The following SP1 variants were observed in gnomAD, a reference collection of about 807,000 sequenced individuals.
SP1 encodes transcription factor Sp1.
Under a neutral mutation model 66.3 loss-of-function variants are expected in SP1, and 6 were observed. That is an observed-to-expected ratio of 0.09 (90% CI 0.05 to 0.18). The LOEUF (loss-of-function observed/expected upper bound fraction) is 0.18. SP1 is among the 10% of genes least tolerant of loss of function. The probability of loss-of-function intolerance (pLI) is 1.00; values close to 1 mark genes in which losing one functional copy is unlikely to be tolerated. For missense variants in SP1, 848 were observed against 964.5 expected, an observed-to-expected ratio of 0.88 and a Z score of 1.60; for synonymous variants, 417 against 360.8, an observed-to-expected ratio of 1.16 and a Z score of -1.77.
chr12:53,399,154 C>G (rs1938552259), intron 3 of SP1, among the ~76,000 whole-genome samples: 1 of 152,062 alleles, frequency 6.6e-6, no homozygotes, highest in African/African-American at 2.4e-5. Flanking sequence ...ATTAACTTAA[C>G]CTTATTGATG....
At chr12:53,409,978 C>G (rs1289782198) in intron 5 of SP1, among the ~76,000 whole-genome samples, 1 of 151,820 alleles carries the variant, frequency 6.6e-6, no homozygotes, top group African/African-American at 2.4e-5. Context: ...CCACTGCACT[C>G]CAGCCTGGGC....
chr12:53,411,654 T>TATA lies in SP1; in HGVS notation c.*414_*415insATA, dbSNP rs1555199301. The TATA allele has an allele frequency of 4.2e-5, 6 of 142,108 alleles. No individual in the cohort carries two copies. Among genetic ancestry groups the TATA allele is most frequent in the Admixed American group, 3.6e-4 (5 of 14,012 alleles). 8.8% of individuals were successfully genotyped at this position (142,108 alleles called of 1,614,324 possible). On this transcript the variant is annotated 3_prime_UTR_variant, in exon 6 of 6. Coordinates refer to ENST00000327443, the MANE Select transcript of SP1 (RefSeq NM_138473.3). ...TTAACAAAAAACAGATTCTATATTA[T>TATA]TATATATATATATATATATATAAAG...
chr12:53,380,560 C>A, intron 1 of SP1: 1 of 727,154 alleles, frequency 1.4e-6, no homozygotes, highest in Non-Finnish European at 1.8e-6. Flanking sequence ...CCACGGGGGA[C>A]GGGCCTTACC....
chr12:53,382,139 G>C lies in SP1; in HGVS notation c.192G>C (p.Leu64=). Reference sequence around the variant, plus strand: ...CCCAGCCATCCCCTTTGGCTCTGCTGGCAGCAACTTGCAGCAGAATTGAGT... The same window carrying C: ...CCCAGCCATCCCCTTTGGCTCTGCTCGCAGCAACTTGCAGCAGAATTGAGT... ...QESQPSPLAL[L]AATCSRIESP... The change falls in exon 3 of 6, where the codon CTG becomes CTC. Residue 64 remains leucine, a synonymous_variant. Transcript: ENST00000327443. 1 of 1,614,100 alleles carries C rather than the reference G, an allele frequency of 6.2e-7. No homozygotes were observed. The highest frequency in any genetic ancestry group is 8.5e-7 in the Non-Finnish European group (1 of 1,180,028).
intron 3 of SP1, among the ~76,000 whole-genome samples, chr12:53,395,827 A>T (rs75407516): frequency 1.4e-5 from 2 of 147,266 alleles, no homozygotes; most frequent in Non-Finnish European, 3.0e-5. Flanking sequence ...AAAAAAAAAA[A>T]TTAACTGGGC....
intron 3 of SP1, among the ~76,000 whole-genome samples, chr12:53,406,349 G>A (rs539872576): frequency 8.5e-5 from 13 of 152,186 alleles, no homozygotes; most frequent in African/African-American, 2.6e-4. Context: ...AATTACAGGC[G>A]TGAACCACTG....
At chr12:53,404,734 C>A (rs1480989699) in intron 3 of SP1, among the ~76,000 whole-genome samples, 1 of 151,120 alleles carries the variant, frequency 6.6e-6, no homozygotes, top group Non-Finnish European at 1.5e-5. Flanking sequence ...GTGATGTGAT[C>A]ATAGCTCACT....
chr12:53,399,394 C>T (rs1267957444), intron 3 of SP1, among the ~76,000 whole-genome samples: 5 of 152,052 alleles, frequency 3.3e-5, no homozygotes, highest in East Asian at 1.9e-4. Context: ...AGTGCAGTGG[C>T]GCGATCTCAG....
chr12:53,384,537 C>T (rs545879900), intron 3 of SP1, among the ~76,000 whole-genome samples: 140 of 152,284 alleles, frequency 9.2e-4, no homozygotes, highest in African/African-American at 3.2e-3. Context: ...CCACCTGCCT[C>T]GGCCTCCCAA....
At chr12:53,396,904 C>T (rs1283099933) in intron 3 of SP1, among the ~76,000 whole-genome samples, 1 of 152,098 alleles carries the variant, frequency 6.6e-6, no homozygotes, top group Non-Finnish European at 1.5e-5. Context: ...GCTGGGATTA[C>T]AGGTGTGAGC....
chr12:53,410,300 G>C (rs1439979988), intron 5 of SP1, among the ~76,000 whole-genome samples: 1 of 151,834 alleles, frequency 6.6e-6, no homozygotes, highest in African/African-American at 2.4e-5. Context: ...GCAAGACTCT[G>C]TCTCAAAAAA....
intron 3 of SP1, among the ~76,000 whole-genome samples, chr12:53,394,385 T>G (rs538933199): frequency 1.3e-5 from 2 of 151,180 alleles, no homozygotes; most frequent in East Asian, 3.9e-4. Flanking sequence ...CTCTCTCCTC[T>G]TTTTGTGTTA....
chr12:53,380,788 G>C, intron 1 of SP1: 1 of 352,622 alleles, frequency 2.8e-6, no homozygotes, highest in Non-Finnish European at 3.6e-6. Flanking sequence ...CCCCGAAACC[G>C]CCCTTTCCCT....
chr12:53,388,661 A>C (rs975100908), intron 3 of SP1, among the ~76,000 whole-genome samples: 1 of 152,054 alleles, frequency 6.6e-6, no homozygotes, highest in African/African-American at 2.4e-5. Context: ...CTCCTTTTTC[A>C]GCTTTTGCCT....
chr12:53,413,758 T>A lies in SP1; in HGVS notation c.*2518T>A, dbSNP rs973310637. On this transcript the variant is annotated 3_prime_UTR_variant, in exon 6 of 6. Coordinates refer to ENST00000327443, the MANE Select transcript of SP1 (RefSeq NM_138473.3). Reference sequence around the variant, plus strand: ...TATTTTGCTAGTGCATTTCAAGGAATGGAATCTTCTCCAGTATGAAATTAC... The same window carrying A: ...TATTTTGCTAGTGCATTTCAAGGAAAGGAATCTTCTCCAGTATGAAATTAC... 6.6e-6 allele frequency: 1 copy of A among 152,452 alleles called. No homozygotes were observed. Among genetic ancestry groups the A allele is most frequent in the South Asian group, 2.1e-4 (1 of 4,830 alleles). 9.4% of individuals were successfully genotyped at this position (152,452 alleles called of 1,614,324 possible).
rs1177281018 is a variant in SP1, at chr12:53,415,625, G to A, written c.*4385G>A. 1.4e-5 allele frequency: 2 copies of A among 147,436 alleles called. No homozygotes were observed. The highest frequency in any genetic ancestry group is 3.0e-5 in the Non-Finnish European group (2 of 67,290). The allele number at this position is 147,436 out of a possible 1,614,324, so 9.1% of individuals were successfully genotyped here. ...TGCCTCTCAACTGCCCTAAGTCCTA[G>A]CTAAGTATCAGGGGAAAAAAAAAAA... On this transcript the variant is annotated 3_prime_UTR_variant, in exon 6 of 6. Transcript: ENST00000327443.
At chr12:53,406,282 T>G (rs1294602635) in intron 3 of SP1, among the ~76,000 whole-genome samples, 1 of 152,060 alleles carries the variant, frequency 6.6e-6, no homozygotes, top group Non-Finnish European at 1.5e-5. Context: ...TTGGTCAGAC[T>G]GGTCTTGAAC....
At chr12:53,399,727 T>C (rs1938568036) in intron 3 of SP1, among the ~76,000 whole-genome samples, 1 of 151,942 alleles carries the variant, frequency 6.6e-6, no homozygotes, top group Admixed American at 6.6e-5. Flanking sequence ...AACCTCCGCC[T>C]CCTGGGTTCA....
At chr12:53,402,220 CT>C (rs35020021) in intron 3 of SP1, among the ~76,000 whole-genome samples, 21,025 of 131,464 alleles carry the variant, frequency 0.16, 1,646 homozygotes, top group Admixed American at 0.18. Context: ...TAGGCTGCAC[CT>C]TTTTTTTTTT....
Sources: gnomAD v4.1 joint callset for allele counts (sites outside exome capture counted in the v4.1 genomes callset) on GRCh38, gnomAD v4.1.1 for gene constraint, MANE v1.5 for transcripts, NCBI Gene and HGNC (gene_info 2026-07-23, HGNC 2026-07-21) for gene names.